The following LRSAM1 variants were observed in gnomAD, a reference collection of about 807,000 sequenced individuals.
The protein encoded by LRSAM1 is E3 ubiquitin-protein ligase LRSAM1.
In LRSAM1, 96 loss-of-function variants were observed where a neutral mutation model predicts 118.1. The observed-to-expected ratio is 0.81, with a 90% confidence interval of 0.69 to 0.96. LRSAM1 has a LOEUF of 0.96. Among genes scored for constraint, LRSAM1 ranks in the 40% least tolerant of loss-of-function variants. The probability of loss-of-function intolerance (pLI) is 0.00; values close to 1 mark genes in which losing one functional copy is unlikely to be tolerated. For missense variants in LRSAM1, 804 were observed against 915.5 expected (o/e 0.88, Z 1.57); for synonymous variants, 322 against 364.2 (o/e 0.88, Z 1.32).
intron 11 of LRSAM1, among the ~76,000 whole-genome samples, chr9:127,475,202 C>A (rs1319683646): frequency 6.6e-6 from 1 of 152,080 alleles, no homozygotes; most frequent in Non-Finnish European, 1.5e-5. Flanking sequence ...AGAGAAAGAA[C>A]TCTTTCCAAT....
At chr9:127,496,304 TGG>T (rs1335579189) in intron 23 of LRSAM1, among the ~76,000 whole-genome samples, 1 of 152,218 alleles carries the variant, frequency 6.6e-6, no homozygotes, top group Non-Finnish European at 1.5e-5. Context: ...TGGGAAATCC[TGG>T]GGAGGTGGGT....
intron 11 of LRSAM1, among the ~76,000 whole-genome samples, chr9:127,478,098 T>C (rs1399668773): frequency 6.6e-6 from 1 of 152,010 alleles, no homozygotes; most frequent in East Asian, 1.9e-4. Context: ...TGTATATGTG[T>C]ATTGCTGTTT....
intron 24 of LRSAM1, among the ~76,000 whole-genome samples, chr9:127,497,724 A>G (rs1401229983): frequency 2.0e-5 from 3 of 152,180 alleles, no homozygotes; most frequent in Non-Finnish European, 4.4e-5. Flanking sequence ...GCCTGTGGAC[A>G]TGGAGAGATG....
chr9:127,497,097 C>A (rs1278098723), intron 23 of LRSAM1, among the ~76,000 whole-genome samples, 156 bp from the exon 24 acceptor site: 1 of 152,272 alleles, frequency 6.6e-6, no homozygotes, highest in Non-Finnish European at 1.5e-5. Flanking sequence ...CGCACTGCCT[C>A]ATCCTGACCG....
At position 127,503,285 on chromosome 9, in the gene LRSAM1, T is replaced by G; in HGVS notation, c.*386T>G. 3.4e-6 allele frequency: 1 copy of G among 296,640 alleles called. No homozygotes were observed. Among genetic ancestry groups the G allele is most frequent in the Non-Finnish European group, 6.6e-6 (1 of 150,636 alleles). 18.4% of individuals were successfully genotyped at this position (296,640 alleles called of 1,614,324 possible). A position where few individuals can be genotyped will look rare whatever the true frequency, so the allele number is the denominator to read the frequency against. On this transcript the variant is annotated 3_prime_UTR_variant, in exon 26 of 26. Coordinates refer to ENST00000300417, the MANE Select transcript of LRSAM1 (RefSeq NM_001005373.4). ...GCACAGGCCCGTCCCACCCTGCATG[T>G]GGGAAGGGAGCAGGAGGGCCTGGCT...
intron 4 of LRSAM1, 29 bp from the exon 5 acceptor site, chr9:127,455,547 G>C (rs762713959): frequency 6.2e-7 from 1 of 1,613,136 alleles, no homozygotes; most frequent in African/African-American, 1.3e-5. Context: ...CAGGAGGGGA[G>C]ACACTTACTC....
intron 4 of LRSAM1, 84 bp from the exon 5 acceptor site, chr9:127,455,490 GTC>G: frequency 7.2e-7 from 1 of 1,385,212 alleles, no homozygotes; most frequent in Non-Finnish European, 1.0e-6. Context: ...CCTCCTGCCT[GTC>G]TCTTCCTCAC....
chr9:127,481,330 G>A lies in LRSAM1; in HGVS notation c.1088+103G>A. The A allele has an allele frequency of 2.4e-6, 3 of 1,262,764 alleles. No individual in the cohort carries two copies. In the South Asian group the frequency reaches 3.7e-5, roughly 15 times the overall value. The allele number at this position is 1,262,764 out of a possible 1,614,324, so 78.2% of individuals were successfully genotyped here. A position where few individuals can be genotyped will look rare whatever the true frequency, so the allele number is the denominator to read the frequency against. On this transcript the variant is annotated intron_variant, in intron 15 of 25. Coordinates refer to ENST00000300417, the MANE Select transcript of LRSAM1 (RefSeq NM_001005373.4). Reference sequence around the variant, plus strand: ...TGCAGTGGCACAATCTCGGCTCAGTGCAACCCCCGCCGCCCAGGTCCAAGC... The same window carrying A: ...TGCAGTGGCACAATCTCGGCTCAGTACAACCCCCGCCGCCCAGGTCCAAGC...
rs2243767 is a variant in LRSAM1, at chr9:127,459,109, T to C, written c.321+38T>C. On this transcript the variant is annotated intron_variant, in intron 7 of 25. Coordinates refer to ENST00000300417, the MANE Select transcript of LRSAM1 (RefSeq NM_001005373.4). ...AAACAGAAACCCACCTCGGATGGCC[T>C]TAGTGAGACCAGGCAGTCACTCAAG... 937,970 of 1,599,842 alleles carry C rather than the reference T, an allele frequency of 0.59. 277,443 individuals carry two copies. The highest frequency in any genetic ancestry group is 0.66 in the Admixed American group (39,494 of 59,892).
At chr9:127,482,084 C>T (rs1238461420) in intron 15 of LRSAM1, among the ~76,000 whole-genome samples, 1 of 151,102 alleles carries the variant, frequency 6.6e-6, no homozygotes. Context: ...GAAAACATAA[C>T]ATATTGCTAA....
intron 16 of LRSAM1, among the ~76,000 whole-genome samples, chr9:127,485,115 AT>A (rs1425579448): frequency 6.6e-6 from 1 of 152,006 alleles, no homozygotes; most frequent in Non-Finnish European, 1.5e-5. Context: ...GCCTATTTTA[AT>A]TTGTTTAATT....
intron 24 of LRSAM1, among the ~76,000 whole-genome samples, chr9:127,499,224 A>AATT (rs1836275691): frequency 6.6e-6 from 1 of 151,800 alleles, no homozygotes; most frequent in Non-Finnish European, 1.5e-5. Flanking sequence ...AATAAAATAA[A>AATT]ATTAGCTGGG....
intron 17 of LRSAM1, chr9:127,486,288 C>A (rs1835728474): frequency 9.5e-6 from 2 of 211,494 alleles, no homozygotes; most frequent in South Asian, 7.5e-5. Context: ...TGTCTGAGGA[C>A]CCCCACGGTT....
Position 127,461,232 on chromosome 9 carries a change from C to G in LRSAM1, c.381C>G (p.Thr127=), listed in dbSNP as rs1834730881. The change falls in exon 8 of 26, where the codon ACC becomes ACG. Residue 127 remains threonine, a synonymous_variant. Coordinates refer to ENST00000300417, the MANE Select transcript of LRSAM1 (RefSeq NM_001005373.4). ...MQLPRSIGNL[T]QLQTLNVKDN... is the part of the protein sequence containing the mutation. ...TCCCACGTTCCATTGGGAACCTGAC[C>G]CAGCTCCAGACTCTCAATGTTAAAG... 1 of 1,612,132 alleles carries G rather than the reference C, an allele frequency of 6.2e-7. No homozygotes were observed. The highest frequency in any genetic ancestry group is 1.1e-5 in the South Asian group (1 of 91,056).
Position 127,478,947 on chromosome 9 carries a change from A to G in LRSAM1, c.764A>G (p.Asp255Gly). Residue 255 changes from aspartate to glycine, a missense_variant, in exon 12 of 26, where the codon GAC becomes GGC. Transcript: ENST00000300417. ...EELEWQNRFS[D>G]YEKRKEQKML... is the part of the protein sequence containing the mutation. ...TTTTCCTCCCAGAACAGGTTCTCAGACTATGAGAAGAGGAAGGTAAGAAAA... is the reference window on the plus strand; with the variant it reads ...TTTTCCTCCCAGAACAGGTTCTCAGGCTATGAGAAGAGGAAGGTAAGAAAA... The G allele has an allele frequency of 6.2e-7, 1 of 1,614,114 alleles. No individual in the cohort carries two copies. Among genetic ancestry groups the G allele is most frequent in the Non-Finnish European group, 8.5e-7 (1 of 1,179,948 alleles).
intron 16 of LRSAM1, among the ~76,000 whole-genome samples, chr9:127,484,538 T>C (rs1230112240): frequency 6.6e-6 from 1 of 151,420 alleles, no homozygotes; most frequent in East Asian, 1.9e-4. Flanking sequence ...AATTTTTTTT[T>C]TTTTTGAGGT....
intron 17 of LRSAM1, among the ~76,000 whole-genome samples, chr9:127,487,209 A>G (rs1330644027): frequency 6.6e-6 from 1 of 150,426 alleles, no homozygotes; most frequent in Non-Finnish European, 1.5e-5. Flanking sequence ...AACAACCAAG[A>G]TGGTGCCAAA....
At chr9:127,461,056 A>G (rs1205895116) in intron 7 of LRSAM1, 117 bp from the exon 8 acceptor site, 6 of 667,406 alleles carry the variant, frequency 9.0e-6, no homozygotes, top group East Asian at 3.7e-5. Context: ...GGATTTCACT[A>G]TGTTGGCCAG....
In LRSAM1 at chr9:127,489,453, C is replaced by A; in HGVS notation, c.1357C>A (p.Gln453Lys). The A allele has an allele frequency of 6.2e-7, 1 of 1,608,108 alleles. No individual in the cohort carries two copies. Among genetic ancestry groups the A allele is most frequent in the Non-Finnish European group, 8.5e-7 (1 of 1,178,056 alleles). Reference sequence around the variant, plus strand: ...GTGGTCTGTGTTGCAGAGCGCGATGCAGAAGGCTGCGTTCGAGGCACTCCA... The same window carrying A: ...GTGGTCTGTGTTGCAGAGCGCGATGAAGAAGGCTGCGTTCGAGGCACTCCA... ...ISQILQESAM[Q>K]KAAFEALQVK... The change falls in exon 19 of 26, where the codon CAG (glutamine) becomes AAG (lysine). Residue 453 changes from glutamine to lysine, a missense_variant. Gln to Lys is a moderately conservative substitution (Grantham distance 53). Coordinates refer to ENST00000300417, the MANE Select transcript of LRSAM1 (RefSeq NM_001005373.4).
Sources: allele counts gnomAD v4.1 joint callset (sites outside exome capture counted in the v4.1 genomes callset), GRCh38; gene constraint gnomAD v4.1.1; transcripts MANE v1.5; gene names NCBI Gene and HGNC (gene_info 2026-07-23, HGNC 2026-07-21).